WDR37: variants seen among roughly 807,000 people sequenced by gnomAD.
WDR37 encodes the protein WD repeat-containing protein 37.
In WDR37, 19 loss-of-function variants were observed where a neutral mutation model predicts 62.9. The ratio of observed to expected loss-of-function variants is 0.30; its 90% CI spans 0.21 to 0.44. The LOEUF (loss-of-function observed/expected upper bound fraction) is 0.44. Among genes scored for constraint, WDR37 ranks in the 20% least tolerant of loss-of-function variants. The probability of loss-of-function intolerance (pLI) is 1.00; values close to 1 mark genes in which losing one functional copy is unlikely to be tolerated. For missense variants in WDR37, 474 were observed against 657.6 expected (o/e 0.72, Z 3.05); for synonymous variants, 250 against 260.9 (o/e 0.96, Z 0.40).
chr10:1,078,698 A>G (rs1833945979), intron 3 of WDR37, among the ~76,000 whole-genome samples: 1 of 152,216 alleles, frequency 6.6e-6, no homozygotes, highest in African/African-American at 2.4e-5. Flanking sequence ...TTATATATAT[A>G]AAGACAGGGT....
At chr10:1,126,362 C>G (rs566508729) in intron 13 of WDR37, among the ~76,000 whole-genome samples, 3 of 149,708 alleles carry the variant, frequency 2.0e-5, no homozygotes, top group Non-Finnish European at 4.4e-5. Flanking sequence ...GCTGAGATCG[C>G]GCCACTGCAC....
At chr10:1,076,397 C>A (rs923933125) in intron 2 of WDR37, among the ~76,000 whole-genome samples, 1 of 152,036 alleles carries the variant, frequency 6.6e-6, no homozygotes, top group African/African-American at 2.4e-5. Context: ...GTTTACAACT[C>A]GGCCACGCGC....
chr10:1,123,082 CTTAGCCAT>C (rs1396096278), intron 11 of WDR37, among the ~76,000 whole-genome samples: 1 of 152,188 alleles, frequency 6.6e-6, no homozygotes, highest in Non-Finnish European at 1.5e-5. Flanking sequence ...GGTCTCCCAT[CTTAGCCAT>C]TTCAGGGCCT....
At chr10:1,085,927 T>C (rs1398900235) in intron 6 of WDR37, among the ~76,000 whole-genome samples, 1 of 152,230 alleles carries the variant, frequency 6.6e-6, no homozygotes, top group African/African-American at 2.4e-5. Context: ...TGTTTGAATT[T>C]GAACTCTGGG....
At chr10:1,080,374 G>A in intron 4 of WDR37, 38 bp from the exon 5 acceptor site, 4 of 1,613,456 alleles carry the variant, frequency 2.5e-6, no homozygotes, top group Non-Finnish European at 3.4e-6. Context: ...GTCTTTGATT[G>A]TGTGATTGTG....
At position 1,121,854 on chromosome 10, in the gene WDR37, G is replaced by A. The variant is rs1390383261; in HGVS notation, c.1104-2364G>A. ...GAATGCAGACGTGAAAACGGTCGCCGCCGCATCATCCTGACTGTGTTCCGG... is the reference window on the plus strand; with the variant it reads ...GAATGCAGACGTGAAAACGGTCGCCACCGCATCATCCTGACTGTGTTCCGG... On this transcript the variant is annotated intron_variant, in intron 11 of 13. Transcript: ENST00000263150. This position sits in a 1 kb window ranked among gnomAD's most constrained non-coding sequence, Gnocchi z 4.5. Among the ~76,000 whole-genome samples the A allele has an allele frequency of 2.0e-5, 3 of 152,028 alleles. No homozygotes were observed. Among genetic ancestry groups the A allele is most frequent in the Admixed American group, 6.5e-5 (1 of 15,272 alleles).
intron 2 of WDR37, among the ~76,000 whole-genome samples, chr10:1,075,273 C>CTTTTTTTTTTTT (rs61550443): frequency 1.4e-5 from 2 of 139,284 alleles, no homozygotes; most frequent in African/African-American, 5.4e-5. Flanking sequence ...ATAGCAATTC[C>CTTTTTTTTTTTT]TTTTTTTTTT....
At position 1,075,179 on chromosome 10, in the gene WDR37, A is replaced by C. The variant is rs563284044; in HGVS notation, c.139-2728A>C. Among the ~76,000 whole-genome samples, 14 of 152,024 alleles carry C rather than the reference A, an allele frequency of 9.2e-5. No homozygotes were observed. In the South Asian group the frequency reaches 2.3e-3, roughly 25 times the overall value. ...TCTTCCTGGGCTCAAGTTGCCCTCT[A>C]GTGGGACAAGTCCTCATTTCTCTGT... On this transcript the variant is annotated intron_variant, in intron 2 of 13. Transcript: ENST00000263150.
intron 11 of WDR37, 21 bp from the exon 12 acceptor site, chr10:1,124,197 C>G (rs1448547760): frequency 6.2e-7 from 1 of 1,614,054 alleles, no homozygotes. Context: ...TTGCATCTGA[C>G]TCTGTGCCCT....
At chr10:1,116,269 A>C (rs1835393567) in intron 11 of WDR37, among the ~76,000 whole-genome samples, 4 of 141,034 alleles carry the variant, frequency 2.8e-5, no homozygotes, top group South Asian at 2.3e-4. Flanking sequence ...CCTGTCCATC[A>C]CCCACCCCGC....
chr10:1,088,326 C>T (rs531129323), intron 7 of WDR37, among the ~76,000 whole-genome samples: 55 of 152,350 alleles, frequency 3.6e-4, no homozygotes, highest in African/African-American at 9.1e-4. Context: ...TTCAGCCTGT[C>T]TCAGCTTTTG....
chr10:1,127,247 T>C (rs746035754), intron 13 of WDR37, among the ~76,000 whole-genome samples: 28 of 152,258 alleles, frequency 1.8e-4, no homozygotes, highest in Non-Finnish European at 2.9e-4. Flanking sequence ...CTTAATTCTG[T>C]GTAGACAGTT....
chr10:1,082,575 C>T (rs1398334496), intron 5 of WDR37, among the ~76,000 whole-genome samples: 1 of 152,222 alleles, frequency 6.6e-6, no homozygotes, highest in Non-Finnish European at 1.5e-5. Flanking sequence ...CGGCTTTGTT[C>T]TGCTGCTTTT....
intron 11 of WDR37, among the ~76,000 whole-genome samples, chr10:1,108,650 T>C (rs1202700631): frequency 6.6e-6 from 1 of 152,118 alleles, no homozygotes; most frequent in African/African-American, 2.4e-5. Flanking sequence ...GCACTGTGTT[T>C]TTTGAGTATT....
At chr10:1,085,887 A>G (rs1295253155) in intron 6 of WDR37, among the ~76,000 whole-genome samples, 2 of 152,244 alleles carry the variant, frequency 1.3e-5, no homozygotes, top group Non-Finnish European at 2.9e-5. Flanking sequence ...AGACATGCTT[A>G]TCTCAACAGT....
rs1248726844 is a variant in WDR37, at chr10:1,080,163, A to G, written c.331+57A>G. On this transcript the variant is annotated intron_variant, in intron 4 of 13. Transcript: ENST00000263150. ...CAGATTATACATGCAGGAAATTTGGAATTTAGTGAAGGATGCTGGCTGGTT... is the reference window on the plus strand; with the variant it reads ...CAGATTATACATGCAGGAAATTTGGGATTTAGTGAAGGATGCTGGCTGGTT... 3 of 1,587,070 alleles carry G rather than the reference A, an allele frequency of 1.9e-6. No homozygotes were observed. In the African/African-American group the frequency reaches 4.0e-5, roughly 21 times the overall value.
intron 7 of WDR37, among the ~76,000 whole-genome samples, chr10:1,089,383 G>A (rs1025376605): frequency 2.0e-5 from 3 of 152,074 alleles, no homozygotes; most frequent in African/African-American, 7.2e-5. Flanking sequence ...TGGGGCCTCT[G>A]GGCCTGGGGG....
At chr10:1,061,715 T>C (rs1833377420) in intron 1 of WDR37, among the ~76,000 whole-genome samples, 1 of 152,048 alleles carries the variant, frequency 6.6e-6, no homozygotes, top group East Asian at 1.9e-4. Flanking sequence ...GTTGGGTGCC[T>C]GTAATTCCAG....
chr10:1,091,309 A>G (rs1311119291), intron 7 of WDR37, among the ~76,000 whole-genome samples: 1 of 152,214 alleles, frequency 6.6e-6, no homozygotes, highest in South Asian at 2.1e-4. Flanking sequence ...GGAAGCATTA[A>G]TACTATTTGT....
Sources: gnomAD v4.1 joint callset for allele counts (sites outside exome capture counted in the v4.1 genomes callset) on GRCh38, gnomAD v4.1.1 for gene constraint, Gnocchi (gnomAD v3.1) non-coding constraint, MANE v1.5 for transcripts, NCBI Gene and HGNC (gene_info 2026-07-23, HGNC 2026-07-21) for gene names.